The following ATG10 variants were observed in gnomAD, a reference collection of about 807,000 sequenced individuals.
ATG10 encodes the protein autophagy related 10.
A neutral mutation model predicts 32.1 loss-of-function variants in ATG10; 30 were observed. That is an observed-to-expected ratio of 0.94 (90% CI 0.70 to 1.27). ATG10 has a LOEUF of 1.27. Among genes scored for constraint, ATG10 ranks in the 50% most tolerant of loss-of-function variants. The pLI, the probability that ATG10 is intolerant of heterozygous loss-of-function variation, is 0.00. For missense variants in ATG10, 233 were observed against 262.3 expected (o/e 0.89, Z 0.77); for synonymous variants, 87 against 91.5 (o/e 0.95, Z 0.28).
chr5:82,066,147 T>G (rs1395447372), intron 3 of ATG10, among the ~76,000 whole-genome samples: 1 of 152,158 alleles, frequency 6.6e-6, no homozygotes, highest in Non-Finnish European at 1.5e-5. Flanking sequence ...CTAGCCAACA[T>G]TGCTTTGTAT....
At chr5:82,084,648 A>G (rs984781884) in intron 3 of ATG10, among the ~76,000 whole-genome samples, 4 of 152,202 alleles carry the variant, frequency 2.6e-5, no homozygotes, top group Non-Finnish European at 5.9e-5. Context: ...CAGAAACTCT[A>G]CAAGCCAGAA....
intron 3 of ATG10, among the ~76,000 whole-genome samples, chr5:82,104,048 C>T (rs1765371154): frequency 6.6e-6 from 1 of 151,896 alleles, no homozygotes; most frequent in South Asian, 2.1e-4. Context: ...GTATCTAGTT[C>T]CACTGTTCAA....
intron 2 of ATG10, among the ~76,000 whole-genome samples, chr5:82,043,005 A>G (rs1388981997): frequency 6.6e-6 from 1 of 152,204 alleles, no homozygotes; most frequent in African/African-American, 2.4e-5. Context: ...ACAGTGCTCC[A>G]GTGGGGACTC....
At chr5:82,085,502 G>C (rs186498992) in intron 3 of ATG10, among the ~76,000 whole-genome samples, 2 of 127,278 alleles carry the variant, frequency 1.6e-5, no homozygotes, top group Admixed American at 1.7e-4. Flanking sequence ...GATCGGGGGA[G>C]GGGGGAGGGA....
chr5:82,178,193 A>G (rs572641674), intron 4 of ATG10, among the ~76,000 whole-genome samples: 1 of 152,226 alleles, frequency 6.6e-6, no homozygotes, highest in Admixed American at 6.5e-5. Flanking sequence ...CTGTGCTTGC[A>G]TCTGTCAGTT....
At chr5:82,085,620 C>T (rs2149787434) in intron 3 of ATG10, among the ~76,000 whole-genome samples, 1 of 151,392 alleles carries the variant, frequency 6.6e-6, no homozygotes, top group Non-Finnish European at 1.5e-5. Context: ...TCCATGTACC[C>T]TAGAACTTAA....
chr5:81,991,461 A>G (rs538023942), intron 2 of ATG10, among the ~76,000 whole-genome samples: 16 of 152,252 alleles, frequency 1.1e-4, no homozygotes, highest in East Asian at 5.8e-4. Context: ...TCATCACCCA[A>G]TAAAGTTTCC....
chr5:82,213,353 A>G (rs539066462), intron 5 of ATG10, among the ~76,000 whole-genome samples: 8 of 152,268 alleles, frequency 5.3e-5, no homozygotes, highest in African/African-American at 1.7e-4. Context: ...GTTTCCAGAT[A>G]TCTCTCCTAG....
intron 2 of ATG10, among the ~76,000 whole-genome samples, chr5:82,010,825 C>A (rs1762108400): frequency 6.6e-6 from 1 of 152,158 alleles, no homozygotes; most frequent in Admixed American, 6.5e-5. Flanking sequence ...ACAAGTTGTG[C>A]ACTATAGCAG....
chr5:82,159,417 G>C (rs1254369096), intron 3 of ATG10, among the ~76,000 whole-genome samples: 1 of 152,122 alleles, frequency 6.6e-6, no homozygotes, highest in Non-Finnish European at 1.5e-5. Flanking sequence ...ATTGGGTAAG[G>C]CACCAACAGG....
chr5:82,121,947 T>G (rs896656075), intron 3 of ATG10, among the ~76,000 whole-genome samples: 9 of 151,028 alleles, frequency 6.0e-5, no homozygotes, highest in African/African-American at 9.8e-5. Context: ...TGAAGTTTTT[T>G]TTTTTTTTTT....
chr5:82,033,907 T>C (rs1762820045), intron 2 of ATG10, among the ~76,000 whole-genome samples: 2 of 149,398 alleles, frequency 1.3e-5, no homozygotes, highest in South Asian at 4.2e-4. Context: ...ATATATGTAC[T>C]ATGTATATAT....
chr5:82,230,223 T>C (rs1423622530), intron 5 of ATG10, among the ~76,000 whole-genome samples: 2 of 152,196 alleles, frequency 1.3e-5, no homozygotes, highest in Non-Finnish European at 2.9e-5. Context: ...GGGTTAGTTC[T>C]CACATTAAGA....
chr5:82,068,859 T>C, intron 3 of ATG10, among the ~76,000 whole-genome samples: 1 of 150,648 alleles, frequency 6.6e-6, no homozygotes, highest in East Asian at 1.9e-4. Context: ...ATGTTGACTT[T>C]ATAATCGAAT....
At chr5:82,103,173 A>G (rs1765335504) in intron 3 of ATG10, among the ~76,000 whole-genome samples, 1 of 152,198 alleles carries the variant, frequency 6.6e-6, no homozygotes, top group South Asian at 2.1e-4. Flanking sequence ...GACAGGGACA[A>G]TAATACCTAT....
chr5:82,154,435 T>TAC (rs1347133135), intron 3 of ATG10, among the ~76,000 whole-genome samples: 1 of 152,222 alleles, frequency 6.6e-6, no homozygotes, highest in Non-Finnish European at 1.5e-5. Flanking sequence ...GTGCCAGATA[T>TAC]ACACATTTTA....
intron 1 of ATG10, among the ~76,000 whole-genome samples, chr5:81,985,473 C>T (rs1761233545): frequency 6.6e-6 from 1 of 152,146 alleles, no homozygotes; most frequent in South Asian, 2.1e-4. Flanking sequence ...CTCAAAATGC[C>T]TGCTAGACCC....
chr5:82,081,325 C>T (rs1250783046), intron 3 of ATG10, among the ~76,000 whole-genome samples: 1 of 152,194 alleles, frequency 6.6e-6, no homozygotes, highest in Non-Finnish European at 1.5e-5. Context: ...TTGACTTCCT[C>T]TTTTCCTAAT....
At chr5:82,104,643 A>G (rs1451090398) in intron 3 of ATG10, among the ~76,000 whole-genome samples, 1 of 152,120 alleles carries the variant, frequency 6.6e-6, no homozygotes, top group Non-Finnish European at 1.5e-5. Flanking sequence ...GAGAAAGAGC[A>G]GAGAGTTACA....
Sources: allele counts gnomAD v4.1 joint callset (sites outside exome capture counted in the v4.1 genomes callset), GRCh38; gene constraint gnomAD v4.1.1; transcripts MANE v1.5; gene names NCBI Gene and HGNC (gene_info 2026-07-23, HGNC 2026-07-21).